SLC4A8: variants seen among roughly 807,000 people sequenced by gnomAD.
The protein encoded by SLC4A8 is electroneutral sodium bicarbonate exchanger 1.
A neutral mutation model predicts 125.0 loss-of-function variants in SLC4A8; 40 were observed. That is an observed-to-expected ratio of 0.32 (90% CI 0.25 to 0.42). The LOEUF (loss-of-function observed/expected upper bound fraction) is 0.42. Ranked by LOEUF, SLC4A8 falls within the 10% of genes least tolerant of loss-of-function variation. The pLI, the probability that SLC4A8 is intolerant of heterozygous loss-of-function variation, is 1.00. For synonymous variants in SLC4A8, 456 were observed against 476.0 expected (o/e 0.96, Z 0.55); for missense variants, 863 against 1,355.1 (o/e 0.64, Z 5.70).
chr12:51,450,988 C>A lies in SLC4A8; in HGVS notation c.243C>A (p.Ser81Arg). The change falls in exon 3 of 25, where the codon AGC becomes AGA. Residue 81 changes from serine to arginine, a missense_variant. This residue lies in a region of SLC4A8 where 104 missense variants were observed against 116.4 expected (regional missense o/e 0.89). Transcript: ENST00000453097. ...HRRRGRGKGA[S>R]QGEEGLEALA... ...GACGAGGGCGGGGCAAAGGAGCCAG[C>A]CAGGGGGAGGAAGGCCTGGAAGCCC... 1.3e-6 allele frequency: 2 copies of A among 1,562,712 alleles called. No individual in the cohort carries two copies. Among genetic ancestry groups the A allele is most frequent in the Admixed American group, 1.9e-5 (1 of 52,818 alleles).
chr12:51,455,778 T>G (rs1950130030), intron 5 of SLC4A8, among the ~76,000 whole-genome samples: 1 of 152,168 alleles, frequency 6.6e-6, no homozygotes, highest in South Asian at 2.1e-4. Flanking sequence ...GGCCCCCCTC[T>G]TTTTCAGGGA....
chr12:51,399,039 A>G (rs1948321070), intron 1 of SLC4A8, among the ~76,000 whole-genome samples: 1 of 152,202 alleles, frequency 6.6e-6, no homozygotes. Flanking sequence ...GTGAGCCACC[A>G]CACCTGGCTG....
intron 16 of SLC4A8, among the ~76,000 whole-genome samples, chr12:51,476,906 C>CTTTTTTTTTT (rs67928969): frequency 2.6e-4 from 31 of 118,520 alleles, no homozygotes; most frequent in African/African-American, 2.8e-4. Flanking sequence ...TTTTTCTTTT[C>CTTTTTTTTTT]TTTTTTTTTT....
intron 16 of SLC4A8, among the ~76,000 whole-genome samples, chr12:51,476,089 T>TA (rs1481020970): frequency 1.3e-5 from 2 of 152,156 alleles, no homozygotes; most frequent in East Asian, 3.9e-4. Flanking sequence ...ACCTCAAACA[T>TA]ACGAATCAGT....
intron 14 of SLC4A8, among the ~76,000 whole-genome samples, chr12:51,473,636 A>G (rs1466061389): frequency 6.6e-6 from 1 of 152,200 alleles, no homozygotes; most frequent in Non-Finnish European, 1.5e-5. Flanking sequence ...TCAGTTGACC[A>G]TATTGGGAGC....
intron 1 of SLC4A8, among the ~76,000 whole-genome samples, chr12:51,414,026 A>T (rs1948640568): frequency 6.6e-6 from 1 of 152,118 alleles, no homozygotes. Flanking sequence ...TGGTCATTTT[A>T]ACAATATTAA....
At chr12:51,499,965 A>G (rs942750749) in intron 22 of SLC4A8, among the ~76,000 whole-genome samples, 1 of 152,086 alleles carries the variant, frequency 6.6e-6, no homozygotes, top group Non-Finnish European at 1.5e-5. Flanking sequence ...GCAATAGGGG[A>G]GGGTGGCTTA....
chr12:51,419,920 C>T (rs755253897), upstream of SLC4A8, among the ~76,000 whole-genome samples: 17 of 152,164 alleles, frequency 1.1e-4, no homozygotes, highest in Middle Eastern at 3.2e-3. Context: ...GCTTTTGTGG[C>T]GCCTCAGACT....
upstream of SLC4A8, chr12:51,422,046 C>T (rs760078041): frequency 6.6e-6 from 1 of 152,224 alleles, no homozygotes. Context: ...TTTCCCAACA[C>T]CTAACATAGG....
chr12:51,450,409 C>T (rs1361986401), intron 2 of SLC4A8, among the ~76,000 whole-genome samples: 1 of 152,150 alleles, frequency 6.6e-6, no homozygotes, highest in Non-Finnish European at 1.5e-5. Context: ...TTCAAGGTCA[C>T]ATGGCAAGTG....
intron 19 of SLC4A8, 70 bp downstream of exon 19, chr12:51,490,021 G>A (rs1310713055): frequency 2.7e-6 from 4 of 1,465,726 alleles, no homozygotes; most frequent in African/African-American, 2.8e-5. Flanking sequence ...GCCAGGTGCT[G>A]GAAATACAGT....
rs148812118 is a variant in SLC4A8 at position 51,445,735 on chromosome 12, T to A, written c.130+4946T>A. ...CTTATCACTTAGATGTCCCCTCTAA[T>A]CATCTTAAAGTCTCCCTTCTCCATC... On this transcript the variant is annotated intron_variant, in intron 2 of 24. Coordinates refer to ENST00000453097, the MANE Select transcript of SLC4A8 (RefSeq NM_001039960.3). 3.8e-3 allele frequency among the ~76,000 whole-genome samples: 577 copies of A among 152,246 alleles called. 7 individuals carry two copies. Among genetic ancestry groups the A allele is most frequent in the South Asian group, 0.017 (84 of 4,820 alleles).
At chr12:51,477,632 A>G (rs1411998966) in intron 16 of SLC4A8, among the ~76,000 whole-genome samples, 1 of 152,220 alleles carries the variant, frequency 6.6e-6, no homozygotes, top group Admixed American at 6.5e-5. Context: ...TTGTTTTACC[A>G]TACCACATGA....
chr12:51,474,490 G>C, intron 15 of SLC4A8, 43 bp downstream of exon 15: 1 of 1,583,672 alleles, frequency 6.3e-7, no homozygotes, highest in Non-Finnish European at 8.6e-7. Context: ...TGTGACCACA[G>C]GTTTAGGAGG....
chr12:51,406,012 A>G (rs974145822), intron 1 of SLC4A8, among the ~76,000 whole-genome samples: 16 of 152,196 alleles, frequency 1.1e-4, no homozygotes, highest in African/African-American at 3.9e-4. Flanking sequence ...GGTTCCCTGG[A>G]GATATATAAG....
chr12:51,443,837 G>A (rs1381330547), intron 2 of SLC4A8, among the ~76,000 whole-genome samples: 2 of 152,168 alleles, frequency 1.3e-5, no homozygotes, highest in African/African-American at 2.4e-5. Flanking sequence ...AGCAGTGTGC[G>A]TGTACTGCAT....
intron 1 of SLC4A8, among the ~76,000 whole-genome samples, chr12:51,410,877 T>TTTTCTTTTC (rs762125763): frequency 1.0e-4 from 3 of 29,436 alleles, no homozygotes; most frequent in African/African-American, 6.2e-4. Flanking sequence ...TTTTCTTTTC[T>TTTTCTTTTC]TTTTTTTTTT....
chr12:51,497,041 G>A lies in SLC4A8; in HGVS notation c.2998G>A (p.Glu1000Lys), dbSNP rs1464530975. Residue 1000 changes from glutamate to lysine, a missense_variant, in exon 22 of 25, where the codon GAG becomes AAG. Glu to Lys is a moderately conservative substitution (Grantham distance 56). This residue lies in a region of SLC4A8 where 92 missense variants were observed against 125.6 expected (regional missense o/e 0.73). Transcript: ENST00000453097. ...KVMDLCFSKR[E>K]LSWLDDLMPE... ...CATGGATCTCTGTTTCTCTAAGCGA[G>A]AGCTGAGCTGGCTAGATGATCTCAT... is the stretch of plus-strand genomic sequence containing the variant. The A allele has an allele frequency of 6.2e-7, 1 of 1,614,014 alleles. No individual in the cohort carries two copies. Among genetic ancestry groups the A allele is most frequent in the Non-Finnish European group, 8.5e-7 (1 of 1,179,990 alleles).
At chr12:51,423,181 T>G (rs1392058012), upstream of SLC4A8, among the ~76,000 whole-genome samples, 1 of 152,230 alleles carries the variant, frequency 6.6e-6, no homozygotes, top group Non-Finnish European at 1.5e-5. Flanking sequence ...AAAGAACTTA[T>G]AATATTTTAG....
Sources: gnomAD v4.1 joint callset for allele counts (sites outside exome capture counted in the v4.1 genomes callset) on GRCh38, gnomAD v4.1.1 for gene constraint, gnomAD v4.1.1 regional missense constraint, MANE v1.5 for transcripts, NCBI Gene and HGNC (gene_info 2026-07-23, HGNC 2026-07-21) for gene names.